SULF1: variants seen among roughly 807,000 people sequenced by gnomAD.
SULF1 encodes sulfatase 1.
SULF1 carries 46 observed loss-of-function variants against 110.5 expected under a neutral mutation model. That is an observed-to-expected ratio of 0.42 (90% CI 0.33 to 0.53). The LOEUF (loss-of-function observed/expected upper bound fraction) is 0.53. Among genes scored for constraint, SULF1 ranks in the 20% least tolerant of loss-of-function variants. SULF1 has a pLI of 0.12. For synonymous variants in SULF1, 371 were observed against 387.1 expected (o/e 0.96, Z 0.49); for missense variants, 941 against 1,094.2 (o/e 0.86, Z 1.98).
chr8:69,655,130 G>A (rs1038306817), intron 22 of SULF1, among the ~76,000 whole-genome samples: 2 of 152,162 alleles, frequency 1.3e-5, no homozygotes, highest in African/African-American at 4.8e-5. Context: ...ATCCCGTCGG[G>A]GCTACTGGCA....
intron 3 of SULF1, among the ~76,000 whole-genome samples, chr8:69,559,291 T>C (rs1366798883): frequency 6.6e-6 from 1 of 152,232 alleles, no homozygotes; most frequent in Non-Finnish European, 1.5e-5. Flanking sequence ...ATTGGTCATC[T>C]TGTACTTCAA....
chr8:69,638,008 G>A (rs1224880428), intron 19 of SULF1: 1 of 164,976 alleles, frequency 6.1e-6, no homozygotes, highest in Admixed American at 6.3e-5. Flanking sequence ...CCTCCAGGCT[G>A]GGCTCAAGGC....
At chr8:69,644,836 A>T (rs996906195) in intron 22 of SULF1, among the ~76,000 whole-genome samples, 1 of 151,944 alleles carries the variant, frequency 6.6e-6, no homozygotes, top group African/African-American at 2.4e-5. Flanking sequence ...AGATGAGAAG[A>T]ACAAAACAAA....
intron 7 of SULF1, among the ~76,000 whole-genome samples, chr8:69,588,212 C>T (rs1182148661): frequency 2.6e-5 from 4 of 152,198 alleles, no homozygotes; most frequent in Non-Finnish European, 5.9e-5. Flanking sequence ...TACAGACCTG[C>T]ATCAGCCCCC....
intron 3 of SULF1, among the ~76,000 whole-genome samples, chr8:69,509,620 A>G (rs539551720): frequency 6.6e-6 from 1 of 152,328 alleles, no homozygotes; most frequent in South Asian, 2.1e-4. Context: ...GTTGGGCACT[A>G]AAGTGACTGA....
chr8:69,620,196 G>A lies in SULF1; in HGVS notation c.1378-839G>A, dbSNP rs1043116666. ...GCCAAGCTCCTCTCAGTGTTCAGAC[G>A]TTCCTCTTCTGTCTTTCTCTGCCAC... On this transcript the variant is annotated intron_variant, in intron 13 of 22. Transcript: ENST00000402687. Among the ~76,000 whole-genome samples, 23 of 152,264 alleles carry A rather than the reference G, an allele frequency of 1.5e-4. No individual in the cohort carries two copies. The East Asian group carries it at 2.9e-3, about 19-fold the overall frequency.
At chr8:69,646,615 G>C (rs1434750532) in intron 22 of SULF1, among the ~76,000 whole-genome samples, 2 of 152,042 alleles carry the variant, frequency 1.3e-5, no homozygotes, top group African/African-American at 2.4e-5. Context: ...TTACAGATGA[G>C]GAAATTAAGC....
At position 69,521,841 on chromosome 8, in the gene SULF1, T is replaced by TA. The variant is rs75983618; in HGVS notation, c.-134+19889dup. Among the ~76,000 whole-genome samples, 1,098 of 110,182 alleles carry TA rather than the reference T, an allele frequency of 1.0e-2. 10 individuals carry two copies. The highest frequency in any genetic ancestry group is 0.025 in the African/African-American group (762 of 30,190). The allele number at this position is 110,182 out of a possible 152,430, so 72.3% of individuals were successfully genotyped here. ...TGGGTAGATGATAGATGGGCCAAGG[T>TA]AAAAAAAAAAAAAAAAGAAACAGTA... On this transcript the variant is annotated intron_variant, in intron 3 of 22. Coordinates refer to ENST00000402687, the MANE Select transcript of SULF1 (RefSeq NM_001128205.2).
intron 3 of SULF1, among the ~76,000 whole-genome samples, chr8:69,516,630 T>G (rs4737282): frequency 6.6e-6 from 1 of 151,950 alleles, no homozygotes; most frequent in African/African-American, 2.4e-5. Flanking sequence ...AATGAAACCA[T>G]AAATAATTTT....
At chr8:69,488,749 G>T (rs543247905), upstream of SULF1, among the ~76,000 whole-genome samples, 1 of 152,132 alleles carries the variant, frequency 6.6e-6, no homozygotes, top group South Asian at 2.1e-4. Context: ...CAGCTTAAAA[G>T]TCACATAAAC....
At chr8:69,610,315 C>T (rs1183471549) in intron 13 of SULF1, among the ~76,000 whole-genome samples, 1 of 152,136 alleles carries the variant, frequency 6.6e-6, no homozygotes, top group Non-Finnish European at 1.5e-5. Flanking sequence ...TCTCTCTGGC[C>T]GTATATCCTT....
At chr8:69,580,813 A>G (rs967899057) in intron 6 of SULF1, among the ~76,000 whole-genome samples, 1 of 152,186 alleles carries the variant, frequency 6.6e-6, no homozygotes, top group African/African-American at 2.4e-5. Context: ...CATAGACCTT[A>G]GTTCTGAAAA....
Position 69,638,604 on chromosome 8 carries a change from G to T in SULF1, c.2387G>T (p.Gly796Val), listed in dbSNP as rs145335171. The T allele has an allele frequency of 6.2e-7, 1 of 1,613,924 alleles. No individual in the cohort carries two copies. The highest frequency in any genetic ancestry group is 8.5e-7 in the Non-Finnish European group (1 of 1,179,984). Residue 796 changes from glycine (G) to valine (V), a missense_variant, in exon 20 of 23, where the codon GGC becomes GTC. Physicochemically the swap from Gly to Val is moderately radical, Grantham distance 109. Around this residue, in one of 3 missense-constraint regions of SULF1, gnomAD observed 112 missense variants for 133.5 expected, o/e 0.84. Transcript: ENST00000402687. ...HNFLFCEFAT[G>V]FLEYFDMNTD... ...TTTCTTTTCTGTGAGTTTGCTACTGGCTTTTTGGAGTATTTTGATATGAAT... is the reference window on the plus strand; with the variant it reads ...TTTCTTTTCTGTGAGTTTGCTACTGTCTTTTTGGAGTATTTTGATATGAAT...
chr8:69,511,614 C>T (rs1811562194), intron 3 of SULF1, among the ~76,000 whole-genome samples: 1 of 152,166 alleles, frequency 6.6e-6, no homozygotes, highest in African/African-American at 2.4e-5. Context: ...CGGAGATTTC[C>T]CATATACCCC....
At chr8:69,554,234 G>C (rs1048680293) in intron 3 of SULF1, among the ~76,000 whole-genome samples, 4 of 152,146 alleles carry the variant, frequency 2.6e-5, no homozygotes, top group Non-Finnish European at 4.4e-5. Context: ...AACACCCCTG[G>C]GTGTTTGTAC....
In SULF1 at chr8:69,624,120, T is replaced by C; in HGVS notation, c.1773T>C (p.Ser591=). 1.2e-6 allele frequency: 2 copies of C among 1,613,736 alleles called. No homozygotes were observed. The highest frequency in any genetic ancestry group is 2.2e-5 in the South Asian group (2 of 91,044). The change falls in exon 15 of 23, where the codon AGT becomes AGC. Residue 591 remains serine, a synonymous_variant. Coordinates refer to ENST00000402687, the MANE Select transcript of SULF1 (RefSeq NM_001128205.2). ...HKGPRDLQAS[S]GGNRGRMLAD... is the part of the protein sequence containing the mutation. ...GGCCAAGAGATCTCCAGGCTTCCAG[T>C]GGTGGCAACAGGGGCAGGATGCTGG...
intron 3 of SULF1, among the ~76,000 whole-genome samples, chr8:69,537,458 AT>A (rs1052755666): frequency 1.3e-5 from 2 of 152,090 alleles, no homozygotes; most frequent in Non-Finnish European, 2.9e-5. Flanking sequence ...CTGTTAAGAG[AT>A]TTTTTTTGAA....
intron 3 of SULF1, among the ~76,000 whole-genome samples, chr8:69,554,776 G>T (rs915310041): frequency 6.6e-6 from 1 of 151,748 alleles, no homozygotes; most frequent in African/African-American, 2.4e-5. Flanking sequence ...TCAGTAGATC[G>T]AGACCATCCT....
chr8:69,515,190 A>C (rs1811845746), intron 3 of SULF1, among the ~76,000 whole-genome samples: 1 of 152,122 alleles, frequency 6.6e-6, no homozygotes, highest in African/African-American at 2.4e-5. Context: ...CCACTCCTGC[A>C]GCAGACTTCT....
Sources: gnomAD v4.1 joint callset for allele counts (sites outside exome capture counted in the v4.1 genomes callset) on GRCh38, gnomAD v4.1.1 for gene constraint, gnomAD v4.1.1 regional missense constraint, MANE v1.5 for transcripts, NCBI Gene and HGNC (gene_info 2026-07-23, HGNC 2026-07-21) for gene names.